Variants in SPAG16 observed in about 807,000 individuals in gnomAD.
SPAG16 encodes the protein sperm associated antigen 16.
A neutral mutation model predicts 80.4 loss-of-function variants in SPAG16; 86 were observed. The ratio of observed to expected loss-of-function variants is 1.07; its 90% CI spans 0.90 to 1.28. The LOEUF (loss-of-function observed/expected upper bound fraction) is 1.28. SPAG16 is among the 50% of genes most tolerant of loss of function. The pLI, the probability that SPAG16 is intolerant of heterozygous loss-of-function variation, is 0.00. For synonymous variants in SPAG16, 294 were observed against 265.9 expected (o/e 1.11, Z -1.03); for missense variants, 870 against 765.3 (o/e 1.14, Z -1.61).
At chr2:214,133,104 AAT>A (rs1491033318) in intron 14 of SPAG16, among the ~76,000 whole-genome samples, 8 of 132,914 alleles carry the variant, frequency 6.0e-5, no homozygotes, top group African/African-American at 1.7e-4. Context: ...AATAAAATAA[AAT>A]AAAAAAAATA....
At chr2:213,907,838 T>C (rs2077495318) in intron 11 of SPAG16, among the ~76,000 whole-genome samples, 1 of 151,912 alleles carries the variant, frequency 6.6e-6, no homozygotes, top group Non-Finnish European at 1.5e-5. Flanking sequence ...CACATAGAAA[T>C]AGGGAGCAGA....
At chr2:213,547,873 C>T (rs1367160720) in intron 10 of SPAG16, among the ~76,000 whole-genome samples, 1 of 152,170 alleles carries the variant, frequency 6.6e-6, no homozygotes, top group African/African-American at 2.4e-5. Context: ...GTTTTTATCA[C>T]TTACGTCTAA....
chr2:213,347,839 G>A (rs1165292878), intron 6 of SPAG16, among the ~76,000 whole-genome samples: 6 of 152,172 alleles, frequency 3.9e-5, no homozygotes, highest in Non-Finnish European at 5.9e-5. Flanking sequence ...GTACGGTGTG[G>A]TGCTGAAAAG....
chr2:213,875,609 G>A (rs2662672), intron 11 of SPAG16, among the ~76,000 whole-genome samples: 9,143 of 152,074 alleles, frequency 0.06, 898 homozygotes, highest in African/African-American at 0.21. Context: ...CACTCTTTTG[G>A]GTCTTACATT....
intron 7 of SPAG16, among the ~76,000 whole-genome samples, chr2:213,355,491 C>T (rs570091661): frequency 2.0e-5 from 3 of 152,256 alleles, no homozygotes; most frequent in African/African-American, 4.8e-5. Flanking sequence ...TGTTCCTATC[C>T]GTGAGCATGG....
Position 213,972,348 on chromosome 2 carries a change from A to G in SPAG16, c.1401-41603A>G, listed in dbSNP as rs1016602672. 5.9e-5 allele frequency among the ~76,000 whole-genome samples: 9 copies of G among 152,056 alleles called. No homozygotes were observed. The East Asian group carries it at 1.7e-3, about 29-fold the overall frequency. ...TTGTGAGGGACTAACTTATACAATT[A>G]TGGAGGCTGAGCAGTCCCATGACTT... On this transcript the variant is annotated intron_variant, in intron 12 of 15. Coordinates refer to ENST00000331683, the MANE Select transcript of SPAG16 (RefSeq NM_024532.5).
rs780740458 is a variant in SPAG16, at chr2:213,746,604, G to A, written c.1071-115881G>A. On this transcript the variant is annotated intron_variant, in intron 10 of 15. Transcript: ENST00000331683. ...GCAGATCACCCGAGGTCAGGAGTTC[G>A]AGACCAGCCTGGCCAATATGGCAAA... Among the ~76,000 whole-genome samples, 38 of 152,138 alleles carry A rather than the reference G, an allele frequency of 2.5e-4. 1 individual carries two copies. Among genetic ancestry groups the A allele is most frequent in the Non-Finnish European group, 2.8e-4 (19 of 68,018 alleles).
intron 11 of SPAG16, among the ~76,000 whole-genome samples, chr2:213,925,858 TATAA>T (rs904403592): frequency 1.3e-5 from 2 of 152,218 alleles, no homozygotes; most frequent in African/African-American, 2.4e-5. Context: ...TTTATCACTA[TATAA>T]ATAAATAACC....
chr2:214,293,180 G>A (rs1434508581), intron 15 of SPAG16, among the ~76,000 whole-genome samples: 3 of 152,196 alleles, frequency 2.0e-5, no homozygotes, highest in African/African-American at 7.2e-5. Context: ...AGTAGGCCAG[G>A]CTTGTGTGTG....
chr2:214,389,074 T>C (rs368583356), intron 15 of SPAG16, among the ~76,000 whole-genome samples: 164 of 152,264 alleles, frequency 1.1e-3, no homozygotes, highest in African/African-American at 3.2e-3. Flanking sequence ...TCAAGAGAAA[T>C]ATTTCTCTAT....
intron 10 of SPAG16, among the ~76,000 whole-genome samples, chr2:213,743,971 C>T (rs2067698607): frequency 6.6e-6 from 1 of 152,120 alleles, no homozygotes; most frequent in East Asian, 1.9e-4. Context: ...CTTCGTGGTA[C>T]CTTGCCTCTT....
rs1239131778 is a variant in SPAG16 at position 213,352,664 on chromosome 2, A to C, written c.762+2019A>C. On this transcript the variant is annotated intron_variant, in intron 7 of 15. Transcript: ENST00000331683. Reference sequence around the variant, plus strand: ...ATATTTCTTTTTACTCACTTATTAAATAGGGATAAATTATTTGCCTTATGA... The same window carrying C: ...ATATTTCTTTTTACTCACTTATTAACTAGGGATAAATTATTTGCCTTATGA... Among the ~76,000 whole-genome samples the C allele has an allele frequency of 2.0e-5, 3 of 152,232 alleles. No individual in the cohort carries two copies. In the East Asian group the frequency reaches 5.8e-4, roughly 29 times the overall value.
chr2:213,299,256 CG>C (rs1230821024), intron 3 of SPAG16, among the ~76,000 whole-genome samples: 1 of 151,020 alleles, frequency 6.6e-6, no homozygotes, highest in African/African-American at 2.4e-5. Flanking sequence ...TGACTTATTG[CG>C]ACTTATTGAA....
rs1052077048 is a variant in SPAG16 at position 213,959,388 on chromosome 2, A to G, written c.1400+29243A>G. Among the ~76,000 whole-genome samples the G allele has an allele frequency of 2.6e-5, 4 of 152,304 alleles. 1 individual carries two copies. The highest frequency in any genetic ancestry group is 4.4e-5 in the Non-Finnish European group (3 of 68,026). ...AAGTTGTTTGAAACCAGTTGTATCC[A>G]GTCACCTTTCACCTAGTTAAAACTT... On this transcript the variant is annotated intron_variant, in intron 12 of 15. Transcript: ENST00000331683.
chr2:213,480,931 T>A (rs1266596683), intron 9 of SPAG16, among the ~76,000 whole-genome samples: 1 of 152,214 alleles, frequency 6.6e-6, no homozygotes, highest in African/African-American at 2.4e-5. Flanking sequence ...ATTGTAATTA[T>A]TAACCTGTTA....
intron 15 of SPAG16, among the ~76,000 whole-genome samples, chr2:214,154,561 A>T (rs866347248): frequency 5.1e-5 from 7 of 137,386 alleles, no homozygotes; most frequent in African/African-American, 1.9e-4. Flanking sequence ...TTCATATTTG[A>T]TTCATCAGTT....
At chr2:213,458,582 TA>T (rs1452689899) in intron 9 of SPAG16, among the ~76,000 whole-genome samples, 2 of 152,036 alleles carry the variant, frequency 1.3e-5, no homozygotes, top group African/African-American at 4.8e-5. Context: ...AAAAAATAAA[TA>T]AATAAAAATT....
chr2:214,314,500 C>G (rs1321439139), intron 15 of SPAG16, among the ~76,000 whole-genome samples: 2 of 152,286 alleles, frequency 1.3e-5, no homozygotes, highest in East Asian at 3.9e-4. Context: ...AGCAAAGACC[C>G]TACAGTCAGT....
At chr2:213,417,132 ACTTTCCTGT>A (rs1217934535) in intron 9 of SPAG16, among the ~76,000 whole-genome samples, 1 of 152,130 alleles carries the variant, frequency 6.6e-6, no homozygotes, top group African/African-American at 2.4e-5. Context: ...TCTTGGCTAG[ACTTTCCTGT>A]CTTTAAGAAT....
Sources: allele counts gnomAD v4.1 joint callset (sites outside exome capture counted in the v4.1 genomes callset), GRCh38; gene constraint gnomAD v4.1.1; transcripts MANE v1.5; gene names NCBI Gene and HGNC (gene_info 2026-07-23, HGNC 2026-07-21).